Variants in RANBP10 observed in about 807,000 individuals in gnomAD.
RANBP10 encodes ran-binding protein 10.
In RANBP10, 24 loss-of-function variants were observed where a neutral mutation model predicts 72.8. The ratio of observed to expected loss-of-function variants is 0.33; its 90% CI spans 0.24 to 0.46. The LOEUF is 0.46. Ranked by LOEUF, RANBP10 falls within the 20% of genes least tolerant of loss-of-function variation. The probability of loss-of-function intolerance (pLI) is 1.00; values close to 1 mark genes in which losing one functional copy is unlikely to be tolerated. For synonymous variants in RANBP10, 310 were observed against 322.3 expected (o/e 0.96, Z 0.41); for missense variants, 679 against 817.5 (o/e 0.83, Z 2.07).
chr16:67,786,849 C>T (rs1267992441), intron 2 of RANBP10, among the ~76,000 whole-genome samples: 1 of 151,858 alleles, frequency 6.6e-6, no homozygotes, highest in Non-Finnish European at 1.5e-5. Flanking sequence ...ATCACTTGAA[C>T]CAGGGAGGTG....
rs115697800 is a variant in RANBP10 at position 67,772,936 on chromosome 16, T to C, written c.348-850A>G. Among the ~76,000 whole-genome samples the C allele has an allele frequency of 2.8e-3, 424 of 152,240 alleles. 4 individuals are homozygous for C. The highest frequency in any genetic ancestry group is 9.8e-3 in the African/African-American group (408 of 41,552). ...AATAAATACCATCTTACCTTTGCACTTGGGACTTTTTAAGTTAATGCTGGA... is the reference window on the plus strand; with the variant it reads ...AATAAATACCATCTTACCTTTGCACCTGGGACTTTTTAAGTTAATGCTGGA... On this transcript the variant is annotated intron_variant, in intron 2 of 13. Coordinates refer to ENST00000317506, the MANE Select transcript of RANBP10 (RefSeq NM_020850.3).
chr16:67,764,788 C>T (rs1245030945), intron 3 of RANBP10, among the ~76,000 whole-genome samples: 2 of 152,166 alleles, frequency 1.3e-5, no homozygotes, highest in African/African-American at 4.8e-5. Flanking sequence ...CCATACTAAT[C>T]CATAGATTTT....
Position 67,787,832 on chromosome 16 carries a change from C to T in RANBP10, c.348-15746G>A, listed in dbSNP as rs139675019. Among the ~76,000 whole-genome samples, 1,011 of 151,998 alleles carry T rather than the reference C, an allele frequency of 6.7e-3. 6 individuals carry two copies. Among genetic ancestry groups the T allele is most frequent in the Non-Finnish European group, 0.011 (755 of 67,972 alleles). ...CCTGGGTAACATAGCGAGATTCTGT[C>T]TCTAGAAAAAAAAAAATTTTTTTTT... On this transcript the variant is annotated intron_variant, in intron 2 of 13. Transcript: ENST00000317506.
intron 2 of RANBP10, among the ~76,000 whole-genome samples, chr16:67,803,379 G>A (rs1303786439): frequency 2.6e-5 from 4 of 151,888 alleles, no homozygotes; most frequent in South Asian, 2.1e-4. Context: ...GGCTGGGTGC[G>A]GTGGCCCACA....
intron 13 of RANBP10, 127 bp downstream of exon 13, chr16:67,727,200 C>A (rs542552743): frequency 2.7e-5 from 24 of 886,852 alleles, no homozygotes; most frequent in Non-Finnish European, 4.1e-5. Flanking sequence ...GGCTGAGGCA[C>A]GAAAATTGCT....
chr16:67,766,376 G>C (rs1018872551), intron 3 of RANBP10, among the ~76,000 whole-genome samples: 6 of 152,184 alleles, frequency 3.9e-5, no homozygotes, highest in Non-Finnish European at 5.9e-5. Context: ...GATACAGTTT[G>C]GATGTTTGTC....
chr16:67,784,823 A>C (rs1257081491), intron 2 of RANBP10, among the ~76,000 whole-genome samples: 2 of 152,046 alleles, frequency 1.3e-5, no homozygotes, highest in African/African-American at 2.4e-5. Context: ...CCATCTAAAA[A>C]AAAAAAAGAA....
At chr16:67,790,130 G>A (rs1291374461) in intron 2 of RANBP10, among the ~76,000 whole-genome samples, 1 of 151,334 alleles carries the variant, frequency 6.6e-6, no homozygotes, top group African/African-American at 2.4e-5. Flanking sequence ...AAGAAATGAA[G>A]TTATGAAACA....
chr16:67,803,818 A>AC (rs2055280397), intron 2 of RANBP10, among the ~76,000 whole-genome samples: 1 of 143,786 alleles, frequency 7.0e-6, no homozygotes, highest in East Asian at 2.0e-4. Context: ...ACAGAGCAAG[A>AC]CCCCATCTCA....
intron 2 of RANBP10, among the ~76,000 whole-genome samples, chr16:67,780,434 G>A (rs1178203735): frequency 6.6e-6 from 1 of 152,056 alleles, no homozygotes; most frequent in Non-Finnish European, 1.5e-5. Context: ...TGAACTTCAT[G>A]AGAGGTAAAT....
intron 2 of RANBP10, among the ~76,000 whole-genome samples, chr16:67,794,073 G>C (rs1201300900): frequency 1.3e-5 from 2 of 151,978 alleles, no homozygotes; most frequent in Non-Finnish European, 2.9e-5. Context: ...GTAGAGGTGG[G>C]GGTCTCACTA....
chr16:67,792,975 A>G (rs1375006960), intron 2 of RANBP10, among the ~76,000 whole-genome samples: 3 of 152,010 alleles, frequency 2.0e-5, no homozygotes, highest in African/African-American at 4.8e-5. Context: ...GGCAGGTTAC[A>G]CATCCTTGGT....
At chr16:67,761,942 C>T (rs1340001796) in intron 3 of RANBP10, among the ~76,000 whole-genome samples, 1 of 151,986 alleles carries the variant, frequency 6.6e-6, no homozygotes, top group Non-Finnish European at 1.5e-5. Context: ...AAAAAACACA[C>T]ACCTTTTCCC....
intron 2 of RANBP10, among the ~76,000 whole-genome samples, chr16:67,777,656 C>T (rs2054731189): frequency 6.6e-6 from 1 of 152,144 alleles, no homozygotes; most frequent in South Asian, 2.1e-4. Context: ...CCTCTGTTCA[C>T]TGATTAGAAG....
intron 4 of RANBP10, chr16:67,744,085 G>A: frequency 1.0e-6 from 1 of 984,968 alleles, no homozygotes; most frequent in Non-Finnish European, 1.2e-6. Flanking sequence ...TCCCTGGGCT[G>A]GATAAACGCA....
intron 3 of RANBP10, among the ~76,000 whole-genome samples, chr16:67,766,436 T>G (rs1034611724): frequency 1.3e-5 from 2 of 152,252 alleles, no homozygotes; most frequent in South Asian, 4.1e-4. Flanking sequence ...GAATGGAGCC[T>G]GGTGGGTGGG....
chr16:67,764,976 A>C (rs910072012), intron 3 of RANBP10, among the ~76,000 whole-genome samples: 2 of 151,956 alleles, frequency 1.3e-5, no homozygotes, highest in Non-Finnish European at 2.9e-5. Flanking sequence ...AAACATTAAC[A>C]CTCCTCATAA....
At position 67,729,957 on chromosome 16, in the gene RANBP10, T is replaced by C. The variant is rs374277424; in HGVS notation, c.979A>G (p.Asn327Asp). 11 of 1,613,306 alleles carry C rather than the reference T, an allele frequency of 6.8e-6. No individual in the cohort carries two copies. Among genetic ancestry groups the C allele is most frequent in the African/African-American group, 1.3e-5 (1 of 74,772 alleles). The change falls in exon 8 of 14, where the codon AAC becomes GAC. Residue 327 changes from asparagine to aspartate, a missense_variant. Asn to Asp is a conservative substitution (Grantham distance 23). Transcript: ENST00000317506. The surrounding 1 kb of genome is among the most constrained non-coding windows in gnomAD (Gnocchi z 7.1). ...ACTTACTTGAGCATGAAGAGGAGGT[T>C]GGGGTTGTGCTCCAGCAGCCCTGGG... Reference protein sequence around the residue: ...FYPGLLEHNPNLLFMLKCRQF... With the variant: ...FYPGLLEHNPDLLFMLKCRQF...
Position 67,730,632 on chromosome 16 carries a change from G to T in RANBP10, c.890-586C>A, listed in dbSNP as rs2115392. 6.6e-6 allele frequency among the ~76,000 whole-genome samples: 1 copy of T among 152,122 alleles called. No homozygotes were observed. The highest frequency in any genetic ancestry group is 2.4e-5 in the African/African-American group (1 of 41,408). On this transcript the variant is annotated intron_variant, in intron 7 of 13. Coordinates refer to ENST00000317506, the MANE Select transcript of RANBP10 (RefSeq NM_020850.3). The surrounding 1 kb of genome is among the most constrained non-coding windows in gnomAD (Gnocchi z 4.3). ...TTGCTGCTGCCTTTTCGCTCTTGCCGTGGGGCCTGGTGCATCTCGCTGGGA... is the reference window on the plus strand; with the variant it reads ...TTGCTGCTGCCTTTTCGCTCTTGCCTTGGGGCCTGGTGCATCTCGCTGGGA...
Sources: allele counts gnomAD v4.1 joint callset (sites outside exome capture counted in the v4.1 genomes callset), GRCh38; gene constraint gnomAD v4.1.1; non-coding constraint Gnocchi (gnomAD v3.1); transcripts MANE v1.5; gene names NCBI Gene and HGNC (gene_info 2026-07-23, HGNC 2026-07-21).